TNFRSF11A: variants seen among roughly 807,000 people sequenced by gnomAD.
TNFRSF11A encodes TNF receptor superfamily member 11a.
Under a neutral mutation model 55.7 loss-of-function variants are expected in TNFRSF11A, and 32 were observed. The ratio of observed to expected loss-of-function variants is 0.57; its 90% CI spans 0.43 to 0.77. The LOEUF is 0.77. TNFRSF11A is among the 30% of genes least tolerant of loss of function. The probability of loss-of-function intolerance (pLI) is 0.00; values close to 1 mark genes in which losing one functional copy is unlikely to be tolerated. For missense variants in TNFRSF11A, 753 were observed against 809.8 expected (o/e 0.93, Z 0.85); for synonymous variants, 311 against 331.0 (o/e 0.94, Z 0.65).
At chr18:62,353,654 TATTG>T (rs1909005088) in intron 3 of TNFRSF11A, among the ~76,000 whole-genome samples, 1 of 152,244 alleles carries the variant, frequency 6.6e-6, no homozygotes, top group African/African-American at 2.4e-5. Flanking sequence ...TAATGAGGAC[TATTG>T]ATTGATCAAT....
At chr18:62,366,973 T>C (rs1026061736) in intron 8 of TNFRSF11A, among the ~76,000 whole-genome samples, 2 of 151,954 alleles carry the variant, frequency 1.3e-5, no homozygotes, top group Admixed American at 6.6e-5. Flanking sequence ...CTCAGCCTCC[T>C]GAGCAGCTGG....
chr18:62,349,737 G>A lies in TNFRSF11A; in HGVS notation c.158-75G>A, dbSNP rs1298826920. ...GGTCCCATAGATGGGTGCAATTTTTGTTGCTGTTTTGCTTTGTGTTGCTGT... is the reference window on the plus strand; with the variant it reads ...GGTCCCATAGATGGGTGCAATTTTTATTGCTGTTTTGCTTTGTGTTGCTGT... On this transcript the variant is annotated intron_variant, in intron 2 of 9. Coordinates refer to ENST00000586569, the MANE Select transcript of TNFRSF11A (RefSeq NM_003839.4). 5.1e-6 allele frequency: 8 copies of A among 1,574,496 alleles called. No individual in the cohort carries two copies. The East Asian group carries it at 9.0e-5, about 18-fold the overall frequency.
In TNFRSF11A at chr18:62,325,342, T is replaced by A; in HGVS notation, c.-11T>A. The A allele has an allele frequency of 9.9e-7, 1 of 1,012,352 alleles. No homozygotes were observed. The highest frequency in any genetic ancestry group is 4.2e-5 in the South Asian group (1 of 23,912). The allele number at this position is 1,012,352 out of a possible 1,614,324, so 62.7% of individuals were successfully genotyped here. On this transcript the variant is annotated 5_prime_UTR_variant, in exon 1 of 10. Coordinates refer to ENST00000586569, the MANE Select transcript of TNFRSF11A (RefSeq NM_003839.4). The surrounding 1 kb of genome is among the most constrained non-coding windows in gnomAD (Gnocchi z 4.7). ...GCTGAGGCCGCGGCGCCCGCCAGCC[T>A]GTCCCGCGCCATGGCCCCGCGCGCC...
At chr18:62,351,512 T>G (rs2046471737) in intron 3 of TNFRSF11A, among the ~76,000 whole-genome samples, 1 of 152,226 alleles carries the variant, frequency 6.6e-6, no homozygotes. Flanking sequence ...GGTTTAGATG[T>G]GTTTCCTTTA....
Position 62,369,580 on chromosome 18 carries a change from A to C in TNFRSF11A, c.1567+96A>C, listed in dbSNP as rs187092457. On this transcript the variant is annotated intron_variant, in intron 9 of 9. Transcript: ENST00000586569. ...ATTACCATTTAGGAAGGAGGAAGCT[A>C]ATGGGAAAACCTCAGCTTGTGCTTT... 249 of 1,482,378 alleles carry C rather than the reference A, an allele frequency of 1.7e-4. 1 individual carries two copies. In the East Asian group the frequency reaches 5.4e-3, roughly 32 times the overall value. The allele number at this position is 1,482,378 out of a possible 1,614,324, so 91.8% of individuals were successfully genotyped here. A position where few individuals can be genotyped will look rare whatever the true frequency, so the allele number is the denominator to read the frequency against.
At chr18:62,375,637 A>C (rs1910841053) in intron 9 of TNFRSF11A, among the ~76,000 whole-genome samples, 1 of 152,190 alleles carries the variant, frequency 6.6e-6, no homozygotes, top group Admixed American at 6.5e-5. Flanking sequence ...TATTCCTCAC[A>C]GAAATTCTAT....
At chr18:62,379,813 A>G (rs976516134) in intron 9 of TNFRSF11A, among the ~76,000 whole-genome samples, 4 of 152,222 alleles carry the variant, frequency 2.6e-5, no homozygotes, top group African/African-American at 9.6e-5. Context: ...TGAGGGAAAC[A>G]TATCACAGGA....
intron 2 of TNFRSF11A, among the ~76,000 whole-genome samples, chr18:62,349,165 C>A (rs908043582): frequency 3.8e-5 from 5 of 130,704 alleles, no homozygotes; most frequent in Non-Finnish European, 5.4e-5. Context: ...TCATTCTATT[C>A]CTTTTTTTTT....
chr18:62,327,364 A>C (rs540081654), intron 1 of TNFRSF11A, among the ~76,000 whole-genome samples: 1 of 152,330 alleles, frequency 6.6e-6, no homozygotes, highest in South Asian at 2.1e-4. Flanking sequence ...TCAGCACACC[A>C]TAGTGGCATA....
intron 1 of TNFRSF11A, among the ~76,000 whole-genome samples, chr18:62,330,298 G>A (rs966317246): frequency 5.3e-5 from 8 of 152,204 alleles, no homozygotes; most frequent in African/African-American, 1.9e-4. Flanking sequence ...GTGTCAGAGA[G>A]GACTTCCCAT....
chr18:62,368,785 C>A lies in TNFRSF11A; in HGVS notation c.868C>A (p.Leu290Met). The change falls in exon 9 of 10, where the codon CTG becomes ATG. Residue 290 changes from leucine (L) to methionine (M), a missense_variant. Physicochemically the swap from Leu to Met is conservative, Grantham distance 15. This residue lies in a region of TNFRSF11A where 567 missense variants were observed against 596.7 expected (regional missense o/e 0.95). Coordinates refer to ENST00000586569, the MANE Select transcript of TNFRSF11A (RefSeq NM_003839.4). ...ATGTGAAGGTGTCTTACTGCTGACT[C>A]TGGAGGAGAAGACATTTCCAGAAGA... ...GACEGVLLLT[L>M]EEKTFPEDMC... is the part of the protein sequence containing the mutation. The A allele has an allele frequency of 2.5e-6, 4 of 1,614,190 alleles. No homozygotes were observed. The highest frequency in any genetic ancestry group is 3.4e-6 in the Non-Finnish European group (4 of 1,180,040).
intron 1 of TNFRSF11A, among the ~76,000 whole-genome samples, chr18:62,338,175 A>G (rs1185194668): frequency 6.6e-6 from 1 of 152,190 alleles, no homozygotes; most frequent in East Asian, 1.9e-4. Flanking sequence ...AAACCAGAAA[A>G]TAACATGTGT....
chr18:62,338,103 CA>C (rs2046260156), intron 1 of TNFRSF11A, among the ~76,000 whole-genome samples: 1 of 152,172 alleles, frequency 6.6e-6, no homozygotes, highest in Non-Finnish European at 1.5e-5. Context: ...ACTGGAACCA[CA>C]AGGAGATACT....
rs201661953 is a variant in TNFRSF11A at position 62,348,058 on chromosome 18, CAAAAAA to C, written c.76-94_76-89del. 8.9e-4 allele frequency: 567 copies of C among 640,596 alleles called. 1 individual carries two copies. The highest frequency in any genetic ancestry group is 2.3e-3 in the African/African-American group (109 of 48,234). The allele number at this position is 640,596 out of a possible 1,614,324, so 39.7% of individuals were successfully genotyped here. ...TGGGCAACAAGAGCGAAACTCCATTCAAAAAAAAAAAAAAAAAAAAAGTAATTTGGT... is the reference window on the plus strand; with the variant it reads ...TGGGCAACAAGAGCGAAACTCCATTCAAAAAAAAAAAAAAAGTAATTTGGT... On this transcript the variant is annotated intron_variant, in intron 1 of 9. Coordinates refer to ENST00000586569, the MANE Select transcript of TNFRSF11A (RefSeq NM_003839.4).
chr18:62,358,277 C>T lies in TNFRSF11A; in HGVS notation c.457C>T (p.Pro153Ser), dbSNP rs755282653. Residue 153 changes from proline to serine, a missense_variant, in exon 5 of 10, where the codon CCT becomes TCT. By Grantham distance (74) the Pro-to-Ser change is moderately conservative. Transcript: ENST00000586569. ...GCTCAACAAGGACACAGTGTGCAAACCTTGCCTTGCAGGCTACTTCTCTGA... is the reference window on the plus strand; with the variant it reads ...GCTCAACAAGGACACAGTGTGCAAATCTTGCCTTGCAGGCTACTTCTCTGA... ...LQLNKDTVCK[P>S]CLAGYFSDAF... 6.3e-7 allele frequency: 1 copy of T among 1,589,986 alleles called. No individual in the cohort carries two copies. Among genetic ancestry groups the T allele is most frequent in the East Asian group, 2.3e-5 (1 of 42,816 alleles).
chr18:62,341,836 C>CTTTTTTT (rs34047775), intron 1 of TNFRSF11A, among the ~76,000 whole-genome samples: 11 of 85,204 alleles, frequency 1.3e-4, no homozygotes, highest in Non-Finnish European at 1.5e-4. Context: ...CTGAGAATGG[C>CTTTTTTT]TTTTTTTTTT....
In TNFRSF11A at chr18:62,384,667, C is replaced by T; in HGVS notation, c.1568-84C>T. On this transcript the variant is annotated intron_variant, in intron 9 of 9. Transcript: ENST00000586569. ...TGTGGGAATCCGGGGAGCCGCCCTC[C>T]ACTCCCCGGAACCTTCCTCTCGGCA... The T allele has an allele frequency of 5.9e-6, 9 of 1,517,820 alleles. No individual in the cohort carries two copies. In the South Asian group the frequency reaches 1.1e-4, roughly 18 times the overall value. 94.0% of individuals were successfully genotyped at this position (1,517,820 alleles called of 1,614,324 possible).
Position 62,367,141 on chromosome 18 carries a change from C to T in TNFRSF11A, c.783+381C>T, listed in dbSNP as rs181228907. 4.4e-3 allele frequency among the ~76,000 whole-genome samples: 665 copies of T among 152,352 alleles called. 5 individuals are homozygous for T. Among genetic ancestry groups the T allele is most frequent in the Non-Finnish European group, 6.9e-3 (470 of 68,032 alleles). On this transcript the variant is annotated intron_variant, in intron 8 of 9. Coordinates refer to ENST00000586569, the MANE Select transcript of TNFRSF11A (RefSeq NM_003839.4). ...CTGGGATTATAGGCAGGAGCCACCGCGCCCGGCCTCAGCTCCTTTGCTTAC... is the reference window on the plus strand; with the variant it reads ...CTGGGATTATAGGCAGGAGCCACCGTGCCCGGCCTCAGCTCCTTTGCTTAC...
Position 62,346,586 on chromosome 18 carries a change from C to A in TNFRSF11A, c.76-1582C>A, listed in dbSNP as rs183740416. On this transcript the variant is annotated intron_variant, in intron 1 of 9. Coordinates refer to ENST00000586569, the MANE Select transcript of TNFRSF11A (RefSeq NM_003839.4). ...GCCCAGGAAGCAAGTCCAAGTACAA[C>A]CTTCCTGTCACACATCACCTCAATA... Among the ~76,000 whole-genome samples, 16 of 152,278 alleles carry A rather than the reference C, an allele frequency of 1.1e-4. No individual in the cohort carries two copies. The East Asian group carries it at 2.1e-3, about 20-fold the overall frequency.
Sources: allele counts gnomAD v4.1 joint callset (sites outside exome capture counted in the v4.1 genomes callset), GRCh38; gene constraint gnomAD v4.1.1; regional missense constraint gnomAD v4.1.1; non-coding constraint Gnocchi (gnomAD v3.1); transcripts MANE v1.5; gene names NCBI Gene and HGNC (gene_info 2026-07-23, HGNC 2026-07-21).